The following OVCH1 variants were observed in gnomAD, a reference collection of about 807,000 sequenced individuals.
The protein encoded by OVCH1 is ovochymase 1, also known as ovochymase-1.
A neutral mutation model predicts 138.4 loss-of-function variants in OVCH1; 139 were observed. The observed-to-expected ratio is 1.00, with a 90% confidence interval of 0.87 to 1.16. OVCH1 has a LOEUF of 1.16. Among genes scored for constraint, OVCH1 ranks in the 50% most tolerant of loss-of-function variants. The probability of loss-of-function intolerance (pLI) is 0.00; values close to 1 mark genes in which losing one functional copy is unlikely to be tolerated. For synonymous variants in OVCH1, 453 were observed against 467.8 expected (o/e 0.97, Z 0.41); for missense variants, 1,367 against 1,357.9 (o/e 1.01, Z -0.11).
intron 14 of OVCH1, among the ~76,000 whole-genome samples, chr12:29,474,159 C>T (rs1942623004): frequency 6.6e-6 from 1 of 151,852 alleles, no homozygotes; most frequent in Non-Finnish European, 1.5e-5. Context: ...CTGGACTTGT[C>T]TTCCTTCATA....
chr12:29,439,372 T>A (rs1227386683), exon 26 of OVCH1: 4 of 1,575,582 alleles, frequency 2.5e-6, no homozygotes, highest in Non-Finnish European at 3.4e-6. Context: ...TTAATAAAAT[T>A]CAGTTTTTCT....
chr12:29,433,770 A>C, exon 27 of OVCH1: 3 of 1,426,066 alleles, frequency 2.1e-6, no homozygotes, highest in South Asian at 1.3e-5. Context: ...ATTTGATGCA[A>C]ATTTCTTCTG....
exon 7 of OVCH1, chr12:29,487,717 A>G: frequency 6.2e-7 from 1 of 1,600,394 alleles, no homozygotes; most frequent in Non-Finnish European, 8.5e-7. Context: ...TGAGTGATAA[A>G]ATCCATCAAC....
intron 26 of OVCH1, among the ~76,000 whole-genome samples, chr12:29,438,836 T>TAG (rs1284453426): frequency 6.6e-6 from 1 of 152,236 alleles, no homozygotes; most frequent in Non-Finnish European, 1.5e-5. Flanking sequence ...TACATTTTAA[T>TAG]ATTCAATTTT....
At chr12:29,430,675 A>G (rs1941252449) in intron 27 of OVCH1, among the ~76,000 whole-genome samples, 2 of 152,176 alleles carry the variant, frequency 1.3e-5, no homozygotes, top group African/African-American at 4.8e-5. Flanking sequence ...CTCCAAAAGC[A>G]CTGAGTCTGT....
At chr12:29,444,177 C>T in exon 24 of OVCH1, 5 of 1,609,560 alleles carry the variant, frequency 3.1e-6, no homozygotes, top group Non-Finnish European at 4.2e-6. Context: ...TTCTTGGGAT[C>T]TGCATGATCC....
intron 16 of OVCH1, among the ~76,000 whole-genome samples, chr12:29,470,702 A>T (rs1235863583): frequency 6.6e-6 from 1 of 152,158 alleles, no homozygotes; most frequent in South Asian, 2.1e-4. Context: ...TCTTTATAGT[A>T]GAATTATTTA....
intron 19 of OVCH1, among the ~76,000 whole-genome samples, chr12:29,457,208 ATCCAG>A (rs1385692475): frequency 9.9e-5 from 15 of 152,076 alleles, no homozygotes. Context: ...GGTCTGATGT[ATCCAG>A]TCAAGTGTTT....
At chr12:29,410,094 G>T (rs570349736), downstream of OVCH1, among the ~76,000 whole-genome samples, 3 of 151,708 alleles carry the variant, frequency 2.0e-5, no homozygotes, top group African/African-American at 7.2e-5. Flanking sequence ...ATCTTTGTTG[G>T]TTTAAAGTCT....
At chr12:29,459,849 G>A (rs550887059) in intron 19 of OVCH1, among the ~76,000 whole-genome samples, 136 of 152,230 alleles carry the variant, frequency 8.9e-4, no homozygotes, top group African/African-American at 3.0e-3. Flanking sequence ...ACTACGTTGC[G>A]TATCTGAAAA....
At chr12:29,488,099 C>A (rs10492375) in intron 6 of OVCH1, among the ~76,000 whole-genome samples, 61,476 of 151,804 alleles carry the variant, frequency 0.4, 12,717 homozygotes, top group East Asian at 0.55. Context: ...TCTCTTTATA[C>A]CTATTGGCTG....
chr12:29,455,626 T>C (rs989441715), intron 19 of OVCH1, among the ~76,000 whole-genome samples: 1 of 152,190 alleles, frequency 6.6e-6, no homozygotes, highest in Non-Finnish European at 1.5e-5. Flanking sequence ...AGGGTGAAGA[T>C]AAAGCTTAGT....
chr12:29,434,975 T>C (rs375241010), intron 26 of OVCH1, among the ~76,000 whole-genome samples: 9 of 152,184 alleles, frequency 5.9e-5, no homozygotes, highest in African/African-American at 1.7e-4. Flanking sequence ...AAAAACTATA[T>C]GTTGTAAGAA....
At chr12:29,487,452 T>G (rs774355690) in intron 7 of OVCH1, 9 of 397,648 alleles carry the variant, frequency 2.3e-5, no homozygotes, top group Non-Finnish European at 4.0e-5. Context: ...GGTCTATTAA[T>G]AAAATCTCGT....
At chr12:29,475,179 A>C in exon 14 of OVCH1, 1 of 1,482,008 alleles carries the variant, frequency 6.7e-7, no homozygotes, top group Non-Finnish European at 9.0e-7. Context: ...TCAACATTCC[A>C]CAAAGTTTAG....
chr12:29,477,430 C>T, exon 11 of OVCH1: 2 of 1,613,984 alleles, frequency 1.2e-6, no homozygotes, highest in Non-Finnish European at 1.7e-6. Flanking sequence ...CATGGCCTCA[C>T]TGGTCTCTGC....
chr12:29,466,872 C>G (rs906672307), intron 16 of OVCH1, among the ~76,000 whole-genome samples: 1 of 152,100 alleles, frequency 6.6e-6, no homozygotes, highest in African/African-American at 2.4e-5. Context: ...TTTAATTCTT[C>G]CATTTCTTTA....
chr12:29,417,368 CAGG>C (rs1257335409), intron 3 of OVCH1, among the ~76,000 whole-genome samples: 1 of 141,350 alleles, frequency 7.1e-6, no homozygotes, highest in Non-Finnish European at 1.5e-5. Context: ...GAGGCTGAGA[CAGG>C]AGAATTGCTT....
At position 29,496,460 on chromosome 12, in the gene OVCH1, A is replaced by AG. The variant is rs1269759448; in HGVS notation, c.183+95dup. On this transcript the variant is annotated intron_variant, in intron 2 of 27. Transcript: ENST00000318184. ...TGGTAGAGAGCTAGAGGGGTTCAGG[A>AG]GAAAAACTACATATCAACGTGCATT... 30 of 1,237,180 alleles carry AG rather than the reference A, an allele frequency of 2.4e-5. No homozygotes were observed. The South Asian group carries it at 3.6e-4, about 15-fold the overall frequency. 76.6% of individuals were successfully genotyped at this position (1,237,180 alleles called of 1,614,324 possible).
Sources: allele counts gnomAD v4.1 joint callset (sites outside exome capture counted in the v4.1 genomes callset), GRCh38; gene constraint gnomAD v4.1.1; transcripts MANE v1.5; gene names NCBI Gene and HGNC (gene_info 2026-07-23, HGNC 2026-07-21).